SH3D19: variants seen among roughly 807,000 people sequenced by gnomAD.
SH3D19 encodes SH3 domain containing 19.
In SH3D19, 58 loss-of-function variants were observed where a neutral mutation model predicts 112.1. The observed-to-expected ratio is 0.52, with a 90% CI of 0.42 to 0.64. The LOEUF (loss-of-function observed/expected upper bound fraction) is 0.64, where lower values mean the gene tolerates loss of function less well. Among genes scored for constraint, SH3D19 ranks in the 30% least tolerant of loss-of-function variants. The probability of loss-of-function intolerance (pLI) is 0.00; values close to 1 mark genes in which losing one functional copy is unlikely to be tolerated. For synonymous variants in SH3D19, 391 were observed against 448.5 expected (o/e 0.87, Z 1.62); for missense variants, 1,090 against 1,263.4 (o/e 0.86, Z 2.08).
intron 11 of SH3D19, among the ~76,000 whole-genome samples, chr4:151,146,211 G>T (rs952997722): frequency 1.3e-5 from 2 of 152,118 alleles, no homozygotes; most frequent in African/African-American, 4.8e-5. Flanking sequence ...ACACAACATA[G>T]AATTATTAAT....
intron 8 of SH3D19, among the ~76,000 whole-genome samples, 184 bp from the exon 9 acceptor site, chr4:151,159,536 T>C (rs753085529): frequency 1.3e-5 from 2 of 152,226 alleles, no homozygotes. Context: ...CATCAGTTAA[T>C]TTTACTATAT....
At chr4:151,155,696 G>A (rs1033992089) in intron 9 of SH3D19, among the ~76,000 whole-genome samples, 3 of 152,082 alleles carry the variant, frequency 2.0e-5, no homozygotes, top group Non-Finnish European at 4.4e-5. Context: ...GACCAGCCTG[G>A]CCAACATGAT....
chr4:151,212,674 G>T (rs1422029971), intron 2 of SH3D19, among the ~76,000 whole-genome samples: 1 of 152,226 alleles, frequency 6.6e-6, no homozygotes, highest in African/African-American at 2.4e-5. Flanking sequence ...CAGATGTACA[G>T]GGAGATTCAT....
At chr4:151,146,360 G>C (rs1489909552) in intron 11 of SH3D19, among the ~76,000 whole-genome samples, 4 of 148,420 alleles carry the variant, frequency 2.7e-5, no homozygotes. Flanking sequence ...GCAGTGGCAT[G>C]CTCTTGGCTC....
chr4:151,308,632 A>G (rs1729147396), intron 1 of SH3D19, among the ~76,000 whole-genome samples: 1 of 152,184 alleles, frequency 6.6e-6, no homozygotes, highest in South Asian at 2.1e-4. Flanking sequence ...TGACCAACCT[A>G]CTTAGAGCCT....
rs532338891 is a variant in SH3D19 at position 151,292,190 on chromosome 4, T to A, written c.112+33051A>T. Among the ~76,000 whole-genome samples the A allele has an allele frequency of 1.2e-4, 19 of 152,044 alleles. No individual in the cohort carries two copies. In the South Asian group the frequency reaches 3.3e-3, roughly 27 times the overall value. On this transcript the variant is annotated intron_variant, in intron 1 of 19. Transcript: ENST00000604030. ...GGCATGTGCCTGTGGTCTCAGCTACTTGGGAAGCTGTGGTGGAAGGATAGC... is the reference window on the plus strand; with the variant it reads ...GGCATGTGCCTGTGGTCTCAGCTACATGGGAAGCTGTGGTGGAAGGATAGC...
intron 1 of SH3D19, among the ~76,000 whole-genome samples, chr4:151,284,571 G>A (rs969296025): frequency 6.6e-6 from 1 of 152,088 alleles, no homozygotes; most frequent in African/African-American, 2.4e-5. Flanking sequence ...AGTTATCTCA[G>A]GGATATTCTC....
chr4:151,153,835 A>C (rs1755546108), intron 9 of SH3D19, among the ~76,000 whole-genome samples: 1 of 152,254 alleles, frequency 6.6e-6, no homozygotes, highest in Non-Finnish European at 1.5e-5. Context: ...TGTGAGGAAC[A>C]AACACAATTA....
At chr4:151,236,977 C>T (rs895004019) in intron 1 of SH3D19, among the ~76,000 whole-genome samples, 1 of 152,318 alleles carries the variant, frequency 6.6e-6, no homozygotes, top group Middle Eastern at 3.4e-3. Context: ...AGCAGGCCAC[C>T]CAAGCCAGCA....
At chr4:151,126,753 G>C (rs1464237024) in intron 19 of SH3D19, among the ~76,000 whole-genome samples, 1 of 140,018 alleles carries the variant, frequency 7.1e-6, no homozygotes, top group Non-Finnish European at 1.5e-5. Context: ...AGCCGAGATC[G>C]CCCCACTGCA....
chr4:151,210,123 A>G (rs1765723919), intron 2 of SH3D19, among the ~76,000 whole-genome samples: 1 of 152,284 alleles, frequency 6.6e-6, no homozygotes, highest in African/African-American at 2.4e-5. Context: ...ATTTGGTAGT[A>G]TATATGAAAA....
At chr4:151,214,122 G>A (rs1160706895) in intron 2 of SH3D19, among the ~76,000 whole-genome samples, 1 of 150,982 alleles carries the variant, frequency 6.6e-6, no homozygotes, top group South Asian at 2.1e-4. Context: ...ATCTTGCACC[G>A]CCCTTAATCC....
intron 1 of SH3D19, among the ~76,000 whole-genome samples, chr4:151,254,092 C>T (rs1427268465): frequency 6.6e-6 from 1 of 152,160 alleles, no homozygotes; most frequent in African/African-American, 2.4e-5. Flanking sequence ...TCAGTTTCCT[C>T]ATCTATAAAG....
Position 151,325,312 on chromosome 4 carries a change from A to G in SH3D19, c.41T>C (p.Leu14Pro), listed in dbSNP as rs1379996442. ...GRRREDEEEE[L>P]RERRELGGQR... ...GCCACCAAGTTCGCGGCGCTCGCGT[A>G]GCTCTTCCTCCTCGTCCTCCCGCCG... The change falls in exon 1 of 20, where the codon CTA becomes CCA. Residue 14 changes from leucine (L) to proline (P), a missense_variant. Physicochemically the swap from Leu to Pro is moderately conservative, Grantham distance 98. Coordinates refer to ENST00000604030, the MANE Select transcript of SH3D19 (RefSeq NM_001378122.1). 2.5e-6 allele frequency: 3 copies of G among 1,218,880 alleles called. No homozygotes were observed. The highest frequency in any genetic ancestry group is 8.6e-5 in the Admixed American group (2 of 23,216). The allele number at this position is 1,218,880 out of a possible 1,614,324, so 75.5% of individuals were successfully genotyped here. A position where few individuals can be genotyped will look rare whatever the true frequency, so the allele number is the denominator to read the frequency against.
chr4:151,238,511 G>T (rs1192215514), intron 1 of SH3D19, among the ~76,000 whole-genome samples: 2 of 152,130 alleles, frequency 1.3e-5, no homozygotes, highest in African/African-American at 4.8e-5. Context: ...TTGTGCCACA[G>T]AACTCATAAA....
intron 1 of SH3D19, among the ~76,000 whole-genome samples, chr4:151,308,985 C>T (rs984875501): frequency 2.0e-5 from 3 of 151,998 alleles, no homozygotes; most frequent in East Asian, 1.9e-4. Context: ...TCTCATGCTC[C>T]ACCCTCCCGA....
At chr4:151,208,770 TG>T (rs1765493945) in intron 2 of SH3D19, among the ~76,000 whole-genome samples, 1 of 151,762 alleles carries the variant, frequency 6.6e-6, no homozygotes, top group Non-Finnish European at 1.5e-5. Context: ...CTCCGTCTCC[TG>T]GGTTCACGCC....
At chr4:151,256,049 A>AGGGAGAGGGAGAGGGAGT (rs1561406084) in intron 1 of SH3D19, among the ~76,000 whole-genome samples, 1 of 141,834 alleles carries the variant, frequency 7.1e-6, no homozygotes, top group South Asian at 2.2e-4. Flanking sequence ...GGAGAGGGAG[A>AGGGAGAGGGAGAGGGAGT]GCCTTGAATT....
intron 1 of SH3D19, among the ~76,000 whole-genome samples, chr4:151,229,302 A>G (rs1469008780): frequency 6.6e-6 from 1 of 152,194 alleles, no homozygotes; most frequent in East Asian, 1.9e-4. Context: ...TCTATGAAAA[A>G]AAGAGTTATT....
Sources: gnomAD v4.1 joint callset for allele counts (sites outside exome capture counted in the v4.1 genomes callset) on GRCh38, gnomAD v4.1.1 for gene constraint, MANE v1.5 for transcripts, NCBI Gene and HGNC (gene_info 2026-07-23, HGNC 2026-07-21) for gene names.